Variants in VTN observed in about 807,000 individuals in gnomAD.
VTN encodes the protein vitronectin, also known as complement S-protein.
VTN carries 45 observed loss-of-function variants against 55.9 expected under a neutral mutation model. The ratio of observed to expected loss-of-function variants is 0.80; its 90% CI spans 0.63 to 1.03. The LOEUF is 1.03. Among genes scored for constraint, VTN ranks in the 50% least tolerant of loss-of-function variants. The pLI is 0.00. For missense variants in VTN, 589 were observed against 638.2 expected, an observed-to-expected ratio of 0.92 and a Z score of 0.83; for synonymous variants, 238 against 242.3, an observed-to-expected ratio of 0.98 and a Z score of 0.17.
intron 1 of VTN, 25 bp downstream of exon 1, chr17:28,370,115 G>T (rs781829833): frequency 6.2e-7 from 1 of 1,613,594 alleles, no homozygotes; most frequent in East Asian, 2.2e-5. Context: ...CATTGACCCA[G>T]ATGGCCACCA....
In VTN at chr17:28,369,270, G is replaced by A. The variant is rs1555583548; in HGVS notation, c.669+19C>T. 6.4e-7 allele frequency: 1 copy of A among 1,565,494 alleles called. No individual in the cohort carries two copies. The highest frequency in any genetic ancestry group is 1.8e-5 in the Admixed American group (1 of 54,226). On this transcript the variant is annotated intron_variant, in intron 4 of 7. Coordinates refer to ENST00000226218, the MANE Select transcript of VTN (RefSeq NM_000638.4). This position sits in a 1 kb window ranked among gnomAD's most constrained non-coding sequence, Gnocchi z 5.3. ...ACCCTCCCTAGATGCTTTCTACCCT[G>A]GCCCACAGCCCCTGGCACCTTGAAG... is the stretch of plus-strand genomic sequence containing the variant.
rs1415170604 is a variant in VTN, at chr17:28,369,234, A to G, written c.669+55T>C. On this transcript the variant is annotated intron_variant, in intron 4 of 7. Transcript: ENST00000226218. The surrounding 1 kb of genome is among the most constrained non-coding windows in gnomAD (Gnocchi z 5.3). ...CCTGTCCACCCTGTCCCTGGGAGCA[A>G]TAGCTCTCAAACCCTCCCTAGATGC... is the stretch of plus-strand genomic sequence containing the variant. 5.2e-6 allele frequency: 8 copies of G among 1,529,882 alleles called. No homozygotes were observed. The highest frequency in any genetic ancestry group is 2.8e-5 in the African/African-American group (2 of 72,228). 94.8% of individuals were successfully genotyped at this position (1,529,882 alleles called of 1,614,324 possible). A position where few individuals can be genotyped will look rare whatever the true frequency, so the allele number is the denominator to read the frequency against.
chr17:28,367,900 C>T lies in VTN; in HGVS notation c.1139G>A (p.Arg380His), dbSNP rs781886720. ...RFRHRNRKGY[R>H]SQRGHSRGRN... is the part of the protein sequence containing the mutation. ...GCCACGGCTGTGGCCTCGTTGTGAA[C>T]GGTAGCCTTTGCGGTTGCGATGCCT... Residue 380 changes from arginine (R) to histidine (H), a missense_variant, in exon 7 of 8, where the codon CGT becomes CAT. Physicochemically the swap from Arg to His is conservative, Grantham distance 29 (BLOSUM62 0). Transcript: ENST00000226218. 27 of 1,613,208 alleles carry T rather than the reference C, an allele frequency of 1.7e-5. No homozygotes were observed. Among genetic ancestry groups the T allele is most frequent in the Middle Eastern group, 1.6e-4 (1 of 6,062 alleles).
rs1233302332 is a variant in VTN at position 28,369,652 on chromosome 17, G to A, written c.384C>T (p.Gly128=). 5.6e-6 allele frequency: 9 copies of A among 1,613,622 alleles called. No homozygotes were observed. Among genetic ancestry groups the A allele is most frequent in the East Asian group, 4.5e-5 (2 of 44,878 alleles). Residue 128 remains glycine, a synonymous_variant, in exon 3 of 8, where the codon GGC becomes GGT. Transcript: ENST00000226218. The surrounding 1 kb of genome is among the most constrained non-coding windows in gnomAD (Gnocchi z 5.3). ...AGTCTATCCCCTCAGGCTTAGAGGC[G>A]CCCACCTCAGGCGCAGGGGCCTCTT... ...PEEEAPAPEV[G]ASKPEGIDSR...
rs782533890 is a variant in VTN at position 28,370,035 on chromosome 17, C to T, written c.76G>A (p.Gly26Ser). Residue 26 changes from glycine to serine, a missense_variant, in exon 2 of 8, where the codon GGC becomes AGC. This residue lies in a region of VTN where 217 missense variants were observed against 241.3 expected (regional missense o/e 0.90). Coordinates refer to ENST00000226218, the MANE Select transcript of VTN (RefSeq NM_000638.4). ...ACGTTGAAGCCCTCAGTGCAGCGGC[C>T]CTTGCATGACTCTATGAGGAAGGAG... ...VALADQESCK[G>S]RCTEGFNVDK... The T allele has an allele frequency of 2.5e-6, 4 of 1,614,126 alleles. No individual in the cohort carries two copies. In the East Asian group the frequency reaches 8.9e-5, roughly 36 times the overall value.
rs1567802548 is a variant in VTN, at chr17:28,370,155, C to CTG, written c.48_49insCA (p.Ala17GlnfsTer47). The stretch of plus-strand genomic sequence containing the variant: ...TCCCCTGTACCTTGGTCAGCCAGAG[C>CTG]AACCCATGCCAGCAGGGCCAGTATG... On this transcript the variant is annotated frameshift_variant, in exon 1 of 8. Coordinates refer to ENST00000226218, the MANE Select transcript of VTN (RefSeq NM_000638.4). LOFTEE classifies it high-confidence loss of function. 6.2e-7 allele frequency: 1 copy of CTG among 1,613,786 alleles called. No individual in the cohort carries two copies. Among genetic ancestry groups the CTG allele is most frequent in the South Asian group, 1.1e-5 (1 of 91,044 alleles).
At chr17:28,367,636 C>T (rs1393992907) in intron 7 of VTN, 79 bp downstream of exon 7, 1 of 1,492,806 alleles carries the variant, frequency 6.7e-7, no homozygotes, top group Non-Finnish European at 9.2e-7. Flanking sequence ...TACTTGCAGG[C>T]TGCGTTCAGC....
Position 28,370,066 on chromosome 17 carries a change from G to T in VTN, c.65-20C>A. ...ATGACTCTATGAGGAAGGAGTGTCA[G>T]TCGGTGCCACCAAGCCCAGACCACC... On this transcript the variant is annotated intron_variant, in intron 1 of 7. Transcript: ENST00000226218. The T allele has an allele frequency of 6.2e-7, 1 of 1,614,126 alleles. No homozygotes were observed. The highest frequency in any genetic ancestry group is 8.5e-7 in the Non-Finnish European group (1 of 1,180,012).
At chr17:28,367,580 A>G (rs1555583189) in intron 7 of VTN, 99 bp from the exon 8 acceptor site, 1 of 1,406,166 alleles carries the variant, frequency 7.1e-7, no homozygotes, top group Non-Finnish European at 9.9e-7. Context: ...GAAAGTGAAC[A>G]TCCATGATGC....
Position 28,368,666 on chromosome 17 carries a change from C to G in VTN, c.834G>C (p.Gln278His). The part of the protein sequence containing the change: ...RERVYFFKGK[Q>H]YWEYQFQHQP... Reference sequence around the variant, plus strand: ...GGTGCTGGAACTGGTACTCCCAGTACTGTTTCCCTGAGGAGCAGGGTGGTG... The same window carrying G: ...GGTGCTGGAACTGGTACTCCCAGTAGTGTTTCCCTGAGGAGCAGGGTGGTG... Residue 278 changes from glutamine to histidine, a missense_variant, in exon 6 of 8, where the codon CAG (glutamine) becomes CAC (histidine). Physicochemically the swap from Gln to His is conservative, Grantham distance 24 (BLOSUM62 0). Transcript: ENST00000226218. 1 of 1,613,706 alleles carries G rather than the reference C, an allele frequency of 6.2e-7. No homozygotes were observed. The highest frequency in any genetic ancestry group is 8.5e-7 in the Non-Finnish European group (1 of 1,179,930).
Position 28,370,021 on chromosome 17 carries a change from C to G in VTN, c.90G>C (p.Glu30Asp), listed in dbSNP as rs950523932. Residue 30 changes from glutamate to aspartate, a missense_variant, in exon 2 of 8, where the codon GAG becomes GAC. Glu to Asp is a conservative substitution (Grantham distance 45, BLOSUM62 2). This residue lies in a region of VTN where 217 missense variants were observed against 241.3 expected (regional missense o/e 0.90). Transcript: ENST00000226218. ...GGCACTTCTTGTCCACGTTGAAGCC[C>G]TCAGTGCAGCGGCCCTTGCATGACT... ...DQESCKGRCTEGFNVDKKCQC... is the reference protein window; with the variant it reads ...DQESCKGRCTDGFNVDKKCQC... 30 of 1,614,120 alleles carry G rather than the reference C, an allele frequency of 1.9e-5. No homozygotes were observed. Among genetic ancestry groups the G allele is most frequent in the Non-Finnish European group, 2.2e-5 (26 of 1,180,020 alleles).
intron 6 of VTN, 80 bp downstream of exon 6, chr17:28,368,441 C>A: frequency 1.3e-6 from 2 of 1,568,730 alleles, no homozygotes; most frequent in Non-Finnish European, 1.7e-6. Context: ...CCACAGCCCC[C>A]TCCAGCCGGC....
At position 28,367,896 on chromosome 17, in the gene VTN, T is replaced by C; in HGVS notation, c.1143A>G (p.Ser381=). The C allele has an allele frequency of 6.2e-7, 1 of 1,613,472 alleles. No individual in the cohort carries two copies. The stretch of plus-strand genomic sequence containing the variant: ...TGCGGCCACGGCTGTGGCCTCGTTG[T>C]GAACGGTAGCCTTTGCGGTTGCGAT... ...FRHRNRKGYR[S]QRGHSRGRNQ... The change falls in exon 7 of 8, where the codon TCA becomes TCG. Residue 381 remains serine, a synonymous_variant. Coordinates refer to ENST00000226218, the MANE Select transcript of VTN (RefSeq NM_000638.4).
intron 5 of VTN, 44 bp from the exon 6 acceptor site, chr17:28,368,717 A>G (rs1555583439): frequency 6.2e-7 from 1 of 1,610,450 alleles, no homozygotes; most frequent in Non-Finnish European, 8.5e-7. Context: ...GGGCCAGGGC[A>G]AGACTGGAGA....
At position 28,370,289 on chromosome 17, in the gene VTN, G is replaced by T; in HGVS notation, c.-86C>A. ...CTGATGCCTGAGGAAGGGAGGGAGA[G>T]GCAGAGACAGGGAAGGAGGGCACTG... is the stretch of plus-strand genomic sequence containing the variant. On this transcript the variant is annotated 5_prime_UTR_variant, in exon 1 of 8. Transcript: ENST00000226218. 1 of 1,462,538 alleles carries T rather than the reference G, an allele frequency of 6.8e-7. No individual in the cohort carries two copies. Among genetic ancestry groups the T allele is most frequent in the Non-Finnish European group, 9.3e-7 (1 of 1,072,890 alleles). The allele number at this position is 1,462,538 out of a possible 1,614,324, so 90.6% of individuals were successfully genotyped here.
rs782689714 is a variant in VTN, at chr17:28,367,697, G to T, written c.1324+18C>A. ...AAACCCAAGCTAGACCAGCTTCAGG[G>T]GTGGCAGCGGCTCCTACCTCCAGAG... On this transcript the variant is annotated intron_variant, in intron 7 of 7. Coordinates refer to ENST00000226218, the MANE Select transcript of VTN (RefSeq NM_000638.4). 1 of 1,602,254 alleles carries T rather than the reference G, an allele frequency of 6.2e-7. No individual in the cohort carries two copies.
Position 28,369,462 on chromosome 17 carries a change from G to A in VTN, c.530-34C>T, listed in dbSNP as rs781909548. 38 of 1,586,178 alleles carry A rather than the reference G, an allele frequency of 2.4e-5. No homozygotes were observed. The highest frequency in any genetic ancestry group is 1.2e-4 in the African/African-American group (9 of 74,292). Reference sequence around the variant, plus strand: ...GAGGAGATGGTGTGAGAGCAGGGACGCTCCTGGGGCAGACCCGCATCCCCA... The same window carrying A: ...GAGGAGATGGTGTGAGAGCAGGGACACTCCTGGGGCAGACCCGCATCCCCA... On this transcript the variant is annotated intron_variant, in intron 3 of 7. Coordinates refer to ENST00000226218, the MANE Select transcript of VTN (RefSeq NM_000638.4). This position sits in a 1 kb window ranked among gnomAD's most constrained non-coding sequence, Gnocchi z 5.3.
At position 28,369,755 on chromosome 17, in the gene VTN, C is replaced by T; in HGVS notation, c.281G>A (p.Gly94Glu). 1 of 1,614,014 alleles carries T rather than the reference C, an allele frequency of 6.2e-7. No homozygotes were observed. The highest frequency in any genetic ancestry group is 1.1e-5 in the South Asian group (1 of 91,082). Residue 94 changes from glycine to glutamate, a missense_variant, in exon 3 of 8, where the codon GGG (glycine) becomes GAG (glutamate). Gly to Glu is a moderately conservative substitution (Grantham distance 98). This residue lies in a region of VTN where 217 missense variants were observed against 241.3 expected (regional missense o/e 0.90). Coordinates refer to ENST00000226218, the MANE Select transcript of VTN (RefSeq NM_000638.4). The surrounding 1 kb of genome is among the most constrained non-coding windows in gnomAD (Gnocchi z 5.3). ...KNNATVHEQV[G>E]GPSLTSDLQA... ...GAGGTCAGAGGTCAGGGAGGGGCCC[C>T]CCACCTGTTCATGGACAGTGGCATT...
chr17:28,368,380 C>G, intron 6 of VTN, 141 bp downstream of exon 6: 2 of 1,239,786 alleles, frequency 1.6e-6, no homozygotes, highest in Non-Finnish European at 2.2e-6. Flanking sequence ...AAAAGGTCAA[C>G]AGAAGCAAAG....
Sources: allele counts gnomAD v4.1 joint callset, GRCh38; gene constraint gnomAD v4.1.1; regional missense constraint gnomAD v4.1.1; non-coding constraint Gnocchi (gnomAD v3.1); transcripts MANE v1.5; gene names NCBI Gene and HGNC (gene_info 2026-07-23, HGNC 2026-07-21).